KCNAB1: variants seen among roughly 807,000 people sequenced by gnomAD.
The protein encoded by KCNAB1 is potassium voltage-gated channel subfamily A regulatory beta subunit 1, also known as voltage-gated potassium channel subunit beta-1.
A neutral mutation model predicts 64.6 loss-of-function variants in KCNAB1; 35 were observed. The ratio of observed to expected loss-of-function variants is 0.54; its 90% CI spans 0.41 to 0.72. KCNAB1 has a LOEUF of 0.72. Among genes scored for constraint, KCNAB1 ranks in the 30% least tolerant of loss-of-function variants. KCNAB1 has a pLI of 0.00. For missense variants in KCNAB1, 401 were observed against 512.9 expected, an observed-to-expected ratio of 0.78 and a Z score of 2.11; for synonymous variants, 177 against 183.8, an observed-to-expected ratio of 0.96 and a Z score of 0.30.
chr3:156,536,417 C>G, intron 13 of KCNAB1: 1 of 419,250 alleles, frequency 2.4e-6, no homozygotes, highest in Non-Finnish European at 4.3e-6. Context: ...TTGGATAGAG[C>G]TGCTCTGTAT....
chr3:156,164,304 A>T (rs559391805), intron 1 of KCNAB1, among the ~76,000 whole-genome samples: 1 of 152,222 alleles, frequency 6.6e-6, no homozygotes, highest in South Asian at 2.1e-4. Context: ...ACCCCATTTG[A>T]TCCTCACATC....
At chr3:156,457,092 T>G in intron 3 of KCNAB1, 2 of 479,298 alleles carry the variant, frequency 4.2e-6, no homozygotes, top group Non-Finnish European at 5.6e-6. Flanking sequence ...AGAAAGGAGT[T>G]GAGGAATGGA....
intron 1 of KCNAB1, among the ~76,000 whole-genome samples, chr3:156,362,992 A>G (rs1321710301): frequency 6.6e-6 from 1 of 152,204 alleles, no homozygotes; most frequent in African/African-American, 2.4e-5. Context: ...GGGAGTCAGG[A>G]TGCTGCCTCC....
At chr3:156,538,708 T>G (rs151044202), downstream of KCNAB1, 2 of 152,330 alleles carry the variant, frequency 1.3e-5, no homozygotes, top group African/African-American at 2.4e-5. Flanking sequence ...TAGGCAATAA[T>G]CATCTAAATA....
At chr3:156,161,101 G>A (rs543141021) in intron 1 of KCNAB1, among the ~76,000 whole-genome samples, 17 of 152,260 alleles carry the variant, frequency 1.1e-4, no homozygotes, top group African/African-American at 3.9e-4. Flanking sequence ...CTCCATTTCT[G>A]AGGCAATTAT....
intron 8 of KCNAB1, among the ~76,000 whole-genome samples, chr3:156,510,972 A>T (rs555972141): frequency 6.6e-6 from 1 of 152,342 alleles, no homozygotes; most frequent in East Asian, 1.9e-4. Flanking sequence ...TACAAGGCTC[A>T]TCCATTTTCA....
chr3:156,273,292 T>G (rs890099481), intron 1 of KCNAB1, among the ~76,000 whole-genome samples: 2 of 152,218 alleles, frequency 1.3e-5, no homozygotes, highest in East Asian at 3.9e-4. Context: ...CAGACTTGCC[T>G]AGGAACTGCA....
In KCNAB1 at chr3:156,264,473, T is replaced by C. The variant is rs144666404; in HGVS notation, c.275+143587T>C. Among the ~76,000 whole-genome samples, 460 of 152,228 alleles carry C rather than the reference T, an allele frequency of 3.0e-3. 2 individuals carry two copies. The highest frequency in any genetic ancestry group is 0.01 in the African/African-American group (435 of 41,598). On this transcript the variant is annotated intron_variant, in intron 1 of 13. Coordinates refer to ENST00000490337, the MANE Select transcript of KCNAB1 (RefSeq NM_172160.3). ...TTTTGTCACTCTGTTCCTCTTTGAT[T>C]CTTTTGTGTTAAATACATATTTTAA...
chr3:156,446,473 A>C (rs558529525), intron 2 of KCNAB1, among the ~76,000 whole-genome samples: 1 of 152,340 alleles, frequency 6.6e-6, no homozygotes, highest in South Asian at 2.1e-4. Flanking sequence ...TTAACACCTC[A>C]AAATAGATGA....
At chr3:156,390,202 C>A (rs1712925857) in intron 1 of KCNAB1, among the ~76,000 whole-genome samples, 1 of 152,186 alleles carries the variant, frequency 6.6e-6, no homozygotes, top group South Asian at 2.1e-4. Flanking sequence ...CTGTTACTAG[C>A]AGTGTGCCTC....
intron 1 of KCNAB1, among the ~76,000 whole-genome samples, chr3:156,162,076 G>T (rs1011923329): frequency 6.6e-6 from 1 of 152,096 alleles, no homozygotes; most frequent in Non-Finnish European, 1.5e-5. Flanking sequence ...CAAGACTTTA[G>T]AATAAACATT....
intron 1 of KCNAB1, among the ~76,000 whole-genome samples, chr3:156,395,560 A>C: frequency 8.7e-6 from 1 of 115,470 alleles, no homozygotes; most frequent in South Asian, 2.9e-4. Context: ...AAAAAAAAAA[A>C]AAAAAAAAAA....
chr3:156,459,901 TAAAA>T, intron 5 of KCNAB1, 30 bp downstream of exon 5: 1 of 1,535,656 alleles, frequency 6.5e-7, no homozygotes, highest in Non-Finnish European at 9.0e-7. Flanking sequence ...TATTTGTTTT[TAAAA>T]AGGTATTATT....
chr3:156,345,913 T>G (rs559123290), intron 1 of KCNAB1, among the ~76,000 whole-genome samples: 32 of 152,284 alleles, frequency 2.1e-4, no homozygotes, highest in Non-Finnish European at 4.1e-4. Context: ...TATAGAATAC[T>G]GAATTGAAAT....
intron 1 of KCNAB1, among the ~76,000 whole-genome samples, chr3:156,332,478 T>G (rs1723405545): frequency 6.6e-6 from 1 of 152,186 alleles, no homozygotes. Context: ...TGTTGTAGAA[T>G]AGTGCTCCCT....
At chr3:156,328,951 A>G (rs1477944895) in intron 1 of KCNAB1, among the ~76,000 whole-genome samples, 2 of 152,196 alleles carry the variant, frequency 1.3e-5, no homozygotes, top group Non-Finnish European at 2.9e-5. Context: ...ATATCTAGAC[A>G]TTTGGTATCC....
At chr3:156,261,273 CT>C (rs1366715783) in intron 1 of KCNAB1, among the ~76,000 whole-genome samples, 1 of 150,932 alleles carries the variant, frequency 6.6e-6, no homozygotes, top group Admixed American at 6.6e-5. Context: ...ACCTTTTTTT[CT>C]TTTATATATT....
intron 1 of KCNAB1, chr3:156,291,660 G>A: frequency 7.2e-7 from 1 of 1,384,708 alleles, no homozygotes; most frequent in Non-Finnish European, 9.4e-7. Context: ...TCCAGCTGCT[G>A]TGACAACTTC....
chr3:156,434,610 CT>C (rs1166427526), intron 2 of KCNAB1, among the ~76,000 whole-genome samples: 2 of 151,892 alleles, frequency 1.3e-5, no homozygotes, highest in African/African-American at 4.8e-5. Flanking sequence ...ATGCTAGTTC[CT>C]AGATATTTTC....
Sources: gnomAD v4.1 joint callset for allele counts (sites outside exome capture counted in the v4.1 genomes callset) on GRCh38, gnomAD v4.1.1 for gene constraint, MANE v1.5 for transcripts, NCBI Gene and HGNC (gene_info 2026-07-23, HGNC 2026-07-21) for gene names.